The following CSMD2 variants were observed in gnomAD, a reference collection of about 807,000 sequenced individuals.
The protein encoded by CSMD2 is CUB and sushi domain-containing protein 2.
A neutral mutation model predicts 398.5 loss-of-function variants in CSMD2; 130 were observed. The observed-to-expected ratio is 0.33, with a 90% CI of 0.28 to 0.38. The LOEUF (loss-of-function observed/expected upper bound fraction) is 0.38. CSMD2 is among the 10% of genes least tolerant of loss of function. The probability of loss-of-function intolerance (pLI) is 1.00; values close to 1 mark genes in which losing one functional copy is unlikely to be tolerated. For synonymous variants in CSMD2, 1,828 were observed against 1,908.5 expected (o/e 0.96, Z 1.10); for missense variants, 3,829 against 4,764.9 (o/e 0.80, Z 5.78).
chr1:33,582,620 A>G (rs991155963), intron 47 of CSMD2, among the ~76,000 whole-genome samples: 2 of 152,204 alleles, frequency 1.3e-5, no homozygotes, highest in Admixed American at 6.5e-5. Context: ...TAGAAAATGG[A>G]ATGTTCAGAT....
chr1:34,134,839 T>C (rs1638549994), intron 1 of CSMD2, among the ~76,000 whole-genome samples: 1 of 152,216 alleles, frequency 6.6e-6, no homozygotes, highest in Non-Finnish European at 1.5e-5. Context: ...TAGTTTCAGT[T>C]ATAATTAAAG....
chr1:33,802,245 C>T (rs143468579), intron 10 of CSMD2, among the ~76,000 whole-genome samples: 253 of 152,270 alleles, frequency 1.7e-3, no homozygotes, highest in Non-Finnish European at 2.6e-3. Flanking sequence ...TGCTCTGAGC[C>T]TTCTTTCCTC....
intron 5 of CSMD2, among the ~76,000 whole-genome samples, chr1:33,861,949 T>TGTG (rs34482642): frequency 0.84 from 126,984 of 151,838 alleles, 53,613 homozygotes; most frequent in African/African-American, 0.95. Context: ...TCTGATCTCC[T>TGTG]GAGGGCCCCA....
chr1:33,979,505 C>T (rs1359570770), intron 3 of CSMD2, among the ~76,000 whole-genome samples: 1 of 152,192 alleles, frequency 6.6e-6, no homozygotes, highest in Admixed American at 6.5e-5. Context: ...GCTTCCCAAG[C>T]CTCTTGTCCA....
At chr1:34,035,854 A>C (rs1266899071) in intron 2 of CSMD2, among the ~76,000 whole-genome samples, 1 of 152,174 alleles carries the variant, frequency 6.6e-6, no homozygotes. Context: ...TCCGCAAAAG[A>C]CATGCAAGAG....
chr1:34,058,210 G>T (rs1331433502), intron 2 of CSMD2, among the ~76,000 whole-genome samples: 1 of 152,082 alleles, frequency 6.6e-6, no homozygotes, highest in African/African-American at 2.4e-5. Context: ...CTCCAGCTCT[G>T]CCATTTACTT....
Position 33,521,511 on chromosome 1 carries a change from C to T in CSMD2, c.10549G>A (p.Gly3517Ser). ...CCAAAGCCTTGGCCCTTGACAGAGCCTTGGTAGATGAAGGTGGCTCCGGAG... is the reference window on the plus strand; with the variant it reads ...CCAAAGCCTTGGCCCTTGACAGAGCTTTGGTAGATGAAGGTGGCTCCGGAG... The part of the protein sequence containing the change: ...ESSGATFIYQ[G>S]SVKGQGFGQF... The change falls in exon 68 of 71, where the codon GGC (glycine) becomes AGC (serine). Residue 3517 changes from glycine to serine, a missense_variant. Gly to Ser is a moderately conservative substitution (Grantham distance 56). Around this residue, in one of 5 missense-constraint regions of CSMD2, gnomAD observed 917 missense variants for 1,199.5 expected, o/e 0.76. Transcript: ENST00000373381. 6.2e-7 allele frequency: 1 copy of T among 1,613,892 alleles called. No individual in the cohort carries two copies. Among genetic ancestry groups the T allele is most frequent in the Non-Finnish European group, 8.5e-7 (1 of 1,179,746 alleles).
chr1:34,136,368 C>CA (rs1383816636), intron 1 of CSMD2, among the ~76,000 whole-genome samples: 3 of 152,124 alleles, frequency 2.0e-5, no homozygotes, highest in South Asian at 4.2e-4. Context: ...CTTTTGGTTC[C>CA]AAAAAAAGTG....
At chr1:34,154,087 T>C (rs1255292170) in intron 1 of CSMD2, among the ~76,000 whole-genome samples, 1 of 152,080 alleles carries the variant, frequency 6.6e-6, no homozygotes, top group Non-Finnish European at 1.5e-5. Flanking sequence ...GCAAAGAATA[T>C]AAATAGGTAA....
intron 3 of CSMD2, among the ~76,000 whole-genome samples, chr1:33,961,487 G>A (rs924146504): frequency 1.4e-4 from 21 of 152,228 alleles, no homozygotes; most frequent in Admixed American, 2.6e-4. Flanking sequence ...TTCCAAGCAC[G>A]GTTCTGGAAT....
At chr1:33,967,274 G>C (rs1645592833) in intron 3 of CSMD2, among the ~76,000 whole-genome samples, 1 of 151,330 alleles carries the variant, frequency 6.6e-6, no homozygotes, top group Non-Finnish European at 1.5e-5. Context: ...TTTTAAAGCG[G>C]GGGGTGGGGG....
intron 9 of CSMD2, among the ~76,000 whole-genome samples, chr1:33,815,892 G>A (rs182718308): frequency 3.6e-4 from 55 of 152,238 alleles, no homozygotes; most frequent in African/African-American, 1.3e-3. Flanking sequence ...AAGTGGAGAG[G>A]AGAAGAGAGG....
chr1:33,684,113 A>T (rs1644990071), intron 25 of CSMD2, among the ~76,000 whole-genome samples: 1 of 152,144 alleles, frequency 6.6e-6, no homozygotes, highest in African/African-American at 2.4e-5. Context: ...CTGATCTGAA[A>T]CGACAGCAAG....
At chr1:33,947,801 C>G (rs1412241738) in intron 3 of CSMD2, among the ~76,000 whole-genome samples, 1 of 152,228 alleles carries the variant, frequency 6.6e-6, no homozygotes, top group Non-Finnish European at 1.5e-5. Context: ...CGCTTACGGA[C>G]CACTTCTATG....
intron 3 of CSMD2, among the ~76,000 whole-genome samples, chr1:33,946,746 G>A (rs1345427381): frequency 6.6e-6 from 1 of 150,968 alleles, no homozygotes; most frequent in Non-Finnish European, 1.5e-5. Context: ...AGCCTCCTGA[G>A]TAACTGGGAT....
At chr1:33,967,484 A>G (rs1037830539) in intron 3 of CSMD2, among the ~76,000 whole-genome samples, 2 of 152,058 alleles carry the variant, frequency 1.3e-5, no homozygotes, top group African/African-American at 4.8e-5. Context: ...CTTTCCCTAC[A>G]CCATAAAGGT....
intron 29 of CSMD2, among the ~76,000 whole-genome samples, chr1:33,638,577 A>G (rs1375089173): frequency 6.6e-6 from 1 of 152,312 alleles, no homozygotes; most frequent in African/African-American, 2.4e-5. Flanking sequence ...ACAATCCAAT[A>G]GCCTCCCGTG....
intron 49 of CSMD2, among the ~76,000 whole-genome samples, chr1:33,575,549 G>T (rs1659993610): frequency 6.6e-6 from 1 of 152,146 alleles, no homozygotes; most frequent in African/African-American, 2.4e-5. Flanking sequence ...GGCATCAGTG[G>T]GAGGCAAGGG....
At chr1:33,746,848 T>C (rs555512929) in intron 13 of CSMD2, among the ~76,000 whole-genome samples, 111 of 152,272 alleles carry the variant, frequency 7.3e-4, no homozygotes, top group Non-Finnish European at 1.4e-3. Flanking sequence ...CCCATCCCAC[T>C]CCAAACCTCG....
Sources: allele counts gnomAD v4.1 joint callset (sites outside exome capture counted in the v4.1 genomes callset), GRCh38; gene constraint gnomAD v4.1.1; regional missense constraint gnomAD v4.1.1; transcripts MANE v1.5; gene names NCBI Gene and HGNC (gene_info 2026-07-23, HGNC 2026-07-21).